The following TGFBR3 variants were observed in gnomAD, a reference collection of about 807,000 sequenced individuals.
The protein encoded by TGFBR3 is transforming growth factor beta receptor type 3.
TGFBR3 carries 46 observed loss-of-function variants against 87.9 expected under a neutral mutation model. The observed-to-expected ratio is 0.52, with a 90% confidence interval of 0.41 to 0.67. The LOEUF is 0.67. Ranked by LOEUF, TGFBR3 falls within the 30% of genes least tolerant of loss-of-function variation. The pLI, the probability that TGFBR3 is intolerant of heterozygous loss-of-function variation, is 0.00. For missense variants in TGFBR3, 866 were observed against 1,041.9 expected (o/e 0.83, Z 2.32); for synonymous variants, 381 against 391.6 (o/e 0.97, Z 0.32).
intron 3 of TGFBR3, among the ~76,000 whole-genome samples, chr1:91,780,166 T>C (rs1234268361): frequency 6.6e-6 from 1 of 152,204 alleles, no homozygotes; most frequent in Non-Finnish European, 1.5e-5. Context: ...AAAGGCAACA[T>C]TCCCAGGTTT....
chr1:91,761,603 C>T (rs946895971), intron 3 of TGFBR3, among the ~76,000 whole-genome samples: 43 of 152,226 alleles, frequency 2.8e-4, no homozygotes, highest in Middle Eastern at 3.4e-3. Flanking sequence ...TTCTATGCTT[C>T]CCCCGCTTGA....
intron 2 of TGFBR3, among the ~76,000 whole-genome samples, chr1:91,801,407 G>A (rs991401939): frequency 2.6e-5 from 4 of 152,136 alleles, no homozygotes; most frequent in Non-Finnish European, 5.9e-5. Context: ...TAAGTGGCCA[G>A]GGAGAGAATC....
intron 3 of TGFBR3, among the ~76,000 whole-genome samples, chr1:91,781,355 T>G (rs1674760337): frequency 6.6e-6 from 1 of 152,098 alleles, no homozygotes; most frequent in Non-Finnish European, 1.5e-5. Context: ...AGAACAAAAA[T>G]TAGTAAATTC....
intron 2 of TGFBR3, among the ~76,000 whole-genome samples, chr1:91,858,600 G>A (rs375219714): frequency 1.0e-3 from 113 of 113,198 alleles, no homozygotes; most frequent in African/African-American, 3.5e-3. Context: ...GGGCGAGTGA[G>A]ACTCTGTCTC....
At chr1:91,835,652 C>T (rs547759573) in intron 2 of TGFBR3, among the ~76,000 whole-genome samples, 1 of 151,848 alleles carries the variant, frequency 6.6e-6, no homozygotes, top group South Asian at 2.1e-4. Context: ...CACGGTGAAA[C>T]CCCGTCTCTA....
At chr1:91,725,632 CAAAT>C (rs1672522997) in intron 7 of TGFBR3, among the ~76,000 whole-genome samples, 2 of 152,136 alleles carry the variant, frequency 1.3e-5, no homozygotes, top group South Asian at 4.1e-4. Context: ...AATGAACAAA[CAAAT>C]GAACTCAGCT....
chr1:91,719,353 G>A lies in TGFBR3; in HGVS notation c.1525C>T (p.Pro509Ser), dbSNP rs761669111. The A allele has an allele frequency of 6.8e-6, 11 of 1,614,132 alleles. No homozygotes were observed. Among genetic ancestry groups the A allele is most frequent in the Non-Finnish European group, 8.5e-6 (10 of 1,180,024 alleles). ...ACACCATCAAGGGCTGACCACCGGG[G>A]CCGAGTACCGCAGCCATTCAGAGGA... Reference protein sequence around the residue: ...ESPLNGCGTRPRWSALDGVVY... With the variant: ...ESPLNGCGTRSRWSALDGVVY... The change falls in exon 10 of 17, where the codon CCC becomes TCC. Residue 509 changes from proline (P) to serine (S), a missense_variant. Transcript: ENST00000212355.
intron 1 of TGFBR3, among the ~76,000 whole-genome samples, chr1:91,869,079 A>G (rs1227303343): frequency 1.3e-5 from 2 of 152,140 alleles, no homozygotes; most frequent in Admixed American, 6.5e-5. Context: ...ACATCCCTCC[A>G]TGGTCCCTAG....
At chr1:91,730,949 A>G (rs555583173) in intron 5 of TGFBR3, among the ~76,000 whole-genome samples, 4 of 152,374 alleles carry the variant, frequency 2.6e-5, no homozygotes, top group African/African-American at 7.2e-5. Context: ...GAATCTGAAG[A>G]CACTCCCACA....
chr1:91,703,923 A>T (rs1370622011), intron 14 of TGFBR3, among the ~76,000 whole-genome samples: 1 of 152,170 alleles, frequency 6.6e-6, no homozygotes, highest in African/African-American at 2.4e-5. Context: ...CCAACATCTT[A>T]ATCCTTTGGG....
intron 3 of TGFBR3, among the ~76,000 whole-genome samples, chr1:91,787,315 T>TAA (rs113771961): frequency 7.0e-6 from 1 of 142,120 alleles, no homozygotes; most frequent in Non-Finnish European, 1.5e-5. Flanking sequence ...AAGTAATAAT[T>TAA]AAAAAAAAAA....
rs1368077245 is a variant in TGFBR3, at chr1:91,682,216, C to T, written c.*1523G>A. ...TACCTACTGAGGTTCCATTCACAGA[C>T]AACCAGGCATAACTTCCTTATTTTA... is the stretch of plus-strand genomic sequence containing the variant. On this transcript the variant is annotated 3_prime_UTR_variant, in exon 17 of 17. Transcript: ENST00000212355. The T allele has an allele frequency of 2.2e-6, 1 of 453,902 alleles. No homozygotes were observed. The highest frequency in any genetic ancestry group is 4.4e-6 in the Non-Finnish European group (1 of 226,762). The allele number at this position is 453,902 out of a possible 1,614,324, so 28.1% of individuals were successfully genotyped here. A position where few individuals can be genotyped will look rare whatever the true frequency, so the allele number is the denominator to read the frequency against.
chr1:91,701,539 T>C (rs1671620501), intron 14 of TGFBR3, among the ~76,000 whole-genome samples: 1 of 152,172 alleles, frequency 6.6e-6, no homozygotes, highest in Admixed American at 6.5e-5. Context: ...CAAACTATAA[T>C]CAATGTTCTG....
At chr1:91,804,033 AC>A (rs1206294145) in intron 2 of TGFBR3, among the ~76,000 whole-genome samples, 2 of 152,208 alleles carry the variant, frequency 1.3e-5, no homozygotes, top group Non-Finnish European at 2.9e-5. Flanking sequence ...CACAAAACAG[AC>A]ACTCAATTAT....
intron 5 of TGFBR3, 43 bp from the exon 6 acceptor site, chr1:91,730,016 C>A: frequency 6.2e-7 from 1 of 1,610,272 alleles, no homozygotes. Flanking sequence ...CTGAGGTACT[C>A]GGTAACCAGA....
chr1:91,815,763 A>T (rs767606149), intron 2 of TGFBR3, among the ~76,000 whole-genome samples: 1 of 152,230 alleles, frequency 6.6e-6, no homozygotes, highest in Non-Finnish European at 1.5e-5. Context: ...GAAGAGACAA[A>T]TGAAATCAAT....
At chr1:91,883,380 C>A (rs1679174009) in intron 1 of TGFBR3, among the ~76,000 whole-genome samples, 1 of 152,152 alleles carries the variant, frequency 6.6e-6, no homozygotes, top group Non-Finnish European at 1.5e-5. Flanking sequence ...CCATGGAGTT[C>A]TTGACATATA....
chr1:91,832,630 G>C (rs1478734576), intron 2 of TGFBR3, among the ~76,000 whole-genome samples: 1 of 152,174 alleles, frequency 6.6e-6, no homozygotes, highest in African/African-American at 2.4e-5. Flanking sequence ...CCAGACAGCA[G>C]GGGGAAGGTA....
At chr1:91,812,824 G>A (rs1676076774) in intron 2 of TGFBR3, among the ~76,000 whole-genome samples, 1 of 152,160 alleles carries the variant, frequency 6.6e-6, no homozygotes. Flanking sequence ...ATGTTGGCCA[G>A]GCTGGTCTCA....
Sources: gnomAD v4.1 joint callset for allele counts (sites outside exome capture counted in the v4.1 genomes callset) on GRCh38, gnomAD v4.1.1 for gene constraint, MANE v1.5 for transcripts, NCBI Gene and HGNC (gene_info 2026-07-23, HGNC 2026-07-21) for gene names.